Variants in DOC2A observed in about 807,000 individuals in gnomAD.
DOC2A encodes the protein double C2-like domain-containing protein alpha.
In DOC2A, 28 loss-of-function variants were observed where a neutral mutation model predicts 40.6. The ratio of observed to expected loss-of-function variants is 0.69; its 90% CI spans 0.51 to 0.95. The LOEUF (loss-of-function observed/expected upper bound fraction) is 0.95, where lower values mean the gene tolerates loss of function less well. DOC2A is among the 40% of genes least tolerant of loss of function. The pLI, the probability that DOC2A is intolerant of heterozygous loss-of-function variation, is 0.00. For synonymous variants in DOC2A, 241 were observed against 236.9 expected, an observed-to-expected ratio of 1.02 and a Z score of -0.16; for missense variants, 474 against 552.5, an observed-to-expected ratio of 0.86 and a Z score of 1.42.
At chr16:30,023,006 C>A, upstream of DOC2A, 2 of 223,830 alleles carry the variant, frequency 8.9e-6, no homozygotes, top group Non-Finnish European at 9.1e-6. Flanking sequence ...GTGGTTGATC[C>A]AAGGGGTAAC....
Position 30,006,182 on chromosome 16 carries a change from C to A in DOC2A, c.*4G>T. The A allele has an allele frequency of 6.3e-7, 1 of 1,577,444 alleles. No individual in the cohort carries two copies. The highest frequency in any genetic ancestry group is 8.6e-7 in the Non-Finnish European group (1 of 1,162,912). Reference sequence around the variant, plus strand: ...TGGGCCTGTGCCGGGACACTGCTGTCCACTCAGGCTGAGGACAGAGCCCCG... The same window carrying A: ...TGGGCCTGTGCCGGGACACTGCTGTACACTCAGGCTGAGGACAGAGCCCCG... On this transcript the variant is annotated 3_prime_UTR_variant, in exon 11 of 11. Coordinates refer to ENST00000350119, the MANE Select transcript of DOC2A (RefSeq NM_003586.3). The surrounding 1 kb of genome is among the most constrained non-coding windows in gnomAD (Gnocchi z 6.2).
At chr16:30,016,020 AATATATATATATATATATATAT>A (rs1161591964), upstream of DOC2A, among the ~76,000 whole-genome samples, 2 of 61,200 alleles carry the variant, frequency 3.3e-5, no homozygotes, top group African/African-American at 1.2e-4. Context: ...CCAGCACAAT[AATATATATATATATATATATAT>A]ATATATATAT....
upstream of DOC2A, among the ~76,000 whole-genome samples, chr16:30,015,548 C>G (rs2070845838): frequency 6.6e-6 from 1 of 152,222 alleles, no homozygotes. Context: ...AACTCCTGAC[C>G]TCAGGTGATC....
At chr16:30,016,059 T>A (rs1342550667), upstream of DOC2A, among the ~76,000 whole-genome samples, 101 of 38,006 alleles carry the variant, frequency 2.7e-3, no homozygotes, top group African/African-American at 4.5e-3. Flanking sequence ...ATATATATTT[T>A]TTTTTTTTTT....
At position 30,010,709 on chromosome 16, in the gene DOC2A, T is replaced by C. The variant is rs1209785025; in HGVS notation, c.-14+194A>G. Among the ~76,000 whole-genome samples, 1 of 152,104 alleles carries C rather than the reference T, an allele frequency of 6.6e-6. No individual in the cohort carries two copies. Among genetic ancestry groups the C allele is most frequent in the Non-Finnish European group, 1.5e-5 (1 of 67,982 alleles). On this transcript the variant is annotated intron_variant, in intron 1 of 10. Coordinates refer to ENST00000350119, the MANE Select transcript of DOC2A (RefSeq NM_003586.3). This position sits in a 1 kb window ranked among gnomAD's most constrained non-coding sequence, Gnocchi z 4.2. ...TGTCCCCTCATTCAGCCCCAGGACCTGTCTGCCTGCCTGGTTCCCCCGCTC... is the reference window on the plus strand; with the variant it reads ...TGTCCCCTCATTCAGCCCCAGGACCCGTCTGCCTGCCTGGTTCCCCCGCTC...
chr16:30,019,897 G>A (rs967238597), intron 1 of DOC2A, among the ~76,000 whole-genome samples: 2 of 151,288 alleles, frequency 1.3e-5, no homozygotes, highest in East Asian at 3.9e-4. Flanking sequence ...ACCATGCCTA[G>A]TTAATCTTTT....
chr16:30,006,031 C>T lies in DOC2A; in HGVS notation c.*155G>A. On this transcript the variant is annotated 3_prime_UTR_variant, in exon 11 of 11. Transcript: ENST00000350119. The surrounding 1 kb of genome is among the most constrained non-coding windows in gnomAD (Gnocchi z 6.2). ...ATATGTGAATATAGAACTCCGCAGC[C>T]CCTCATGAGCAGACAGACCCGGGTC... 3 of 822,944 alleles carry T rather than the reference C, an allele frequency of 3.6e-6. No individual in the cohort carries two copies. Among genetic ancestry groups the T allele is most frequent in the Non-Finnish European group, 5.6e-6 (3 of 539,086 alleles). 51.0% of individuals were successfully genotyped at this position (822,944 alleles called of 1,614,324 possible). A position where few individuals can be genotyped will look rare whatever the true frequency, so the allele number is the denominator to read the frequency against.
rs560426366 is a variant in DOC2A, at chr16:30,009,901, C to A, written c.262+60G>T. 41 of 1,605,602 alleles carry A rather than the reference C, an allele frequency of 2.6e-5. No homozygotes were observed. The East Asian group carries it at 6.9e-4, about 27-fold the overall frequency. On this transcript the variant is annotated intron_variant, in intron 2 of 10. Transcript: ENST00000350119. The surrounding 1 kb of genome is among the most constrained non-coding windows in gnomAD (Gnocchi z 4.1). ...AGCAGGGCCCATCCCCCTCTCCCCCCACCACGGCAAGCCTGGAGACCCCCA... is the reference window on the plus strand; with the variant it reads ...AGCAGGGCCCATCCCCCTCTCCCCCAACCACGGCAAGCCTGGAGACCCCCA...
At chr16:30,016,053 ATATT>A (rs1295970821), upstream of DOC2A, among the ~76,000 whole-genome samples, 9 of 18,172 alleles carry the variant, frequency 5.0e-4, no homozygotes, top group African/African-American at 1.4e-3. Flanking sequence ...ATATATATAT[ATATT>A]TTTTTTTTTT....
At position 30,005,625 on chromosome 16, in the gene DOC2A, T is replaced by A; in HGVS notation, c.*561A>T. ...CCAGGAGGGTGGCAGGGGCCCTGCC[T>A]TCAAACCCCGGCCCCCTCCAGGGGA... On this transcript the variant is annotated 3_prime_UTR_variant, in exon 11 of 11. Transcript: ENST00000350119. 1 of 628,170 alleles carries A rather than the reference T, an allele frequency of 1.6e-6. No individual in the cohort carries two copies. The highest frequency in any genetic ancestry group is 2.7e-6 in the Non-Finnish European group (1 of 363,664). 38.9% of individuals were successfully genotyped at this position (628,170 alleles called of 1,614,324 possible).
chr16:30,007,442 G>T (rs1204780760), intron 5 of DOC2A, 143 bp from the exon 6 acceptor site: 4 of 1,185,232 alleles, frequency 3.4e-6, no homozygotes, highest in Non-Finnish European at 4.9e-6. Flanking sequence ...AGGACAAGCA[G>T]ATTTGCCCAT....
upstream of DOC2A, chr16:30,011,134 C>G: frequency 5.5e-6 from 4 of 725,318 alleles, no homozygotes; most frequent in Non-Finnish European, 5.1e-6. Context: ...CGGACTCCCA[C>G]CCGGGGCCCG....
upstream of DOC2A, among the ~76,000 whole-genome samples, chr16:30,011,990 C>A (rs913230790): frequency 6.6e-6 from 1 of 152,100 alleles, no homozygotes; most frequent in African/African-American, 2.4e-5. Flanking sequence ...CCCCAAGCCG[C>A]CCCCCTGCCC....
At chr16:30,008,975 G>A in intron 5 of DOC2A, 21 bp downstream of exon 5, 1 of 1,533,358 alleles carries the variant, frequency 6.5e-7, no homozygotes. Flanking sequence ...GCTGCTGGGT[G>A]GTGGGGAGGG....
chr16:30,014,767 G>A (rs563091410), upstream of DOC2A, among the ~76,000 whole-genome samples: 1 of 151,498 alleles, frequency 6.6e-6, no homozygotes, highest in South Asian at 2.1e-4. Context: ...CTGAAACGCT[G>A]TCTCTATTAA....
rs1336863166 is a variant in DOC2A, at chr16:30,007,154, C to T, written c.654+19G>A. 1 of 1,613,892 alleles carries T rather than the reference C, an allele frequency of 6.2e-7. No homozygotes were observed. Among genetic ancestry groups the T allele is most frequent in the South Asian group, 1.1e-5 (1 of 91,084 alleles). ...CCCAGGGCCCCCTCCCCTGGCGCCC[C>T]TGCAGCCCCCACACAGACCGGGACC... On this transcript the variant is annotated intron_variant, in intron 6 of 10. Transcript: ENST00000350119.
At chr16:30,008,850 C>T (rs1476741882) in intron 5 of DOC2A, 146 bp downstream of exon 5, 14 of 654,514 alleles carry the variant, frequency 2.1e-5, no homozygotes, top group Non-Finnish European at 3.9e-5. Flanking sequence ...AGAATTTTGG[C>T]CTGCTGCCAA....
Position 30,006,911 on chromosome 16 carries a change from T to C in DOC2A, c.752A>G (p.Glu251Gly). 2 of 1,613,020 alleles carry C rather than the reference T, an allele frequency of 1.2e-6. No homozygotes were observed. The highest frequency in any genetic ancestry group is 1.7e-6 in the Non-Finnish European group (2 of 1,179,558). ...GAGACTCAGCAGGATGCGGCCACGC[T>C]CCTCCAGCAGCCCCTGCCCCTGCTC... ...QAEQGQGLLE[E>G]RGRILLSLSY... The change falls in exon 8 of 11, where the codon GAG (glutamate) becomes GGG (glycine). Residue 251 changes from glutamate (E) to glycine (G), a missense_variant. By Grantham distance (98) the Glu-to-Gly change is moderately conservative. Transcript: ENST00000350119. This position sits in a 1 kb window ranked among gnomAD's most constrained non-coding sequence, Gnocchi z 6.2.
At chr16:30,014,114 C>T (rs1485801234), upstream of DOC2A, among the ~76,000 whole-genome samples, 1 of 151,132 alleles carries the variant, frequency 6.6e-6, no homozygotes, top group Non-Finnish European at 1.5e-5. Context: ...TGATGTAATT[C>T]CATGCAGTGA....
Sources: gnomAD v4.1 joint callset for allele counts (sites outside exome capture counted in the v4.1 genomes callset) on GRCh38, gnomAD v4.1.1 for gene constraint, Gnocchi (gnomAD v3.1) non-coding constraint, MANE v1.5 for transcripts, NCBI Gene and HGNC (gene_info 2026-07-23, HGNC 2026-07-21) for gene names.